Variants in REV1 observed in about 807,000 individuals in gnomAD.
REV1 encodes the protein REV1 DNA directed polymerase, also known as translesion synthesis protein REV1.
Under a neutral mutation model 137.4 loss-of-function variants are expected in REV1, and 42 were observed. That is an observed-to-expected ratio of 0.31 (90% CI 0.24 to 0.40). The LOEUF is 0.40. Among genes scored for constraint, REV1 ranks in the 10% least tolerant of loss-of-function variants. The probability of loss-of-function intolerance (pLI) is 1.00; values close to 1 mark genes in which losing one functional copy is unlikely to be tolerated. For synonymous variants in REV1, 524 were observed against 519.2 expected, an observed-to-expected ratio of 1.01 and a Z score of -0.12; for missense variants, 1,282 against 1,490.1, an observed-to-expected ratio of 0.86 and a Z score of 2.30.
chr2:99,456,598 A>G (rs190058110), intron 3 of REV1, among the ~76,000 whole-genome samples: 1 of 152,360 alleles, frequency 6.6e-6, no homozygotes, highest in East Asian at 1.9e-4. Flanking sequence ...AGGGATTACT[A>G]TACATAAAAC....
rs947603744 is a variant in REV1 at position 99,471,889 on chromosome 2, TAAAAAAAAAA to T, written c.-10-6914_-10-6905del. On this transcript the variant is annotated intron_variant, in intron 1 of 22. Coordinates refer to ENST00000258428, the MANE Select transcript of REV1 (RefSeq NM_016316.4). The stretch of plus-strand genomic sequence containing the variant: ...TCACACCCAGCAGGATAGCTACTAT[TAAAAAAAAAA>T]AAAAAAAAAAAACAAGTGTTGATAA... Among the ~76,000 whole-genome samples the T allele has an allele frequency of 1.9e-4, 18 of 93,430 alleles. 1 individual carries two copies. In the East Asian group the frequency reaches 4.6e-3, roughly 24 times the overall value. 61.3% of individuals were successfully genotyped at this position (93,430 alleles called of 152,430 possible).
intron 8 of REV1, among the ~76,000 whole-genome samples, chr2:99,433,300 A>C (rs1286196818): frequency 6.6e-6 from 1 of 152,204 alleles, no homozygotes; most frequent in Non-Finnish European, 1.5e-5. Flanking sequence ...ATGACACACA[A>C]AATTCTAGAA....
chr2:99,418,886 G>C lies in REV1; in HGVS notation c.1893C>G (p.His631Gln), dbSNP rs1312827266. The stretch of plus-strand genomic sequence containing the variant: ...AATCATCTACTTCTTCTGGTTTTAG[G>C]TGGTACTGCCCATCTGGTTTTGCTT... The part of the protein sequence containing the change: ...TRKAKPDGQY[H>Q]LKPEEVDDFI... The change falls in exon 12 of 23, where the codon CAC (histidine) becomes CAG (glutamine). Residue 631 changes from histidine (H) to glutamine (Q), a missense_variant. This residue lies in a region of REV1 where 372 missense variants were observed against 482.3 expected (regional missense o/e 0.77). Transcript: ENST00000258428. 1.2e-6 allele frequency: 2 copies of C among 1,611,806 alleles called. No homozygotes were observed. Among genetic ancestry groups the C allele is most frequent in the South Asian group, 2.2e-5 (2 of 91,028 alleles).
intron 1 of REV1, 145 bp downstream of exon 1, chr2:99,489,672 G>A (rs1203414862): frequency 6.7e-6 from 1 of 149,528 alleles, no homozygotes; most frequent in Admixed American, 6.6e-5. Context: ...GCCGCGGGCC[G>A]GGGCCGGGGC....
At chr2:99,457,223 T>C (rs1374646227) in intron 3 of REV1, among the ~76,000 whole-genome samples, 3 of 152,172 alleles carry the variant, frequency 2.0e-5, no homozygotes, top group Non-Finnish European at 4.4e-5. Flanking sequence ...GCATCCAAAA[T>C]ATATCTGTTC....
At position 99,481,692 on chromosome 2, in the gene REV1, T is replaced by TACAC. The variant is rs112823394; in HGVS notation, c.-11+8121_-11+8124dup. ...AGCCTGGGCAACATGGGGAGATCCC[T>TACAC]ACACACACACACACACAAAAATTTA... On this transcript the variant is annotated intron_variant, in intron 1 of 22. Coordinates refer to ENST00000258428, the MANE Select transcript of REV1 (RefSeq NM_016316.4). Among the ~76,000 whole-genome samples the TACAC allele has an allele frequency of 1.2e-3, 174 of 148,714 alleles. 1 individual carries two copies. The highest frequency in any genetic ancestry group is 3.0e-3 in the Admixed American group (45 of 14,948).
At chr2:99,436,419 C>T (rs1415197878) in intron 6 of REV1, among the ~76,000 whole-genome samples, 1 of 152,106 alleles carries the variant, frequency 6.6e-6, no homozygotes. Context: ...ATCTTGTAGA[C>T]TAAAAGTTTA....
chr2:99,467,317 T>C (rs1684919499), intron 1 of REV1, among the ~76,000 whole-genome samples: 1 of 151,214 alleles, frequency 6.6e-6, no homozygotes, highest in African/African-American at 2.4e-5. Context: ...GTAACAAAAC[T>C]ATTCCAGACA....
At chr2:99,465,081 T>G (rs1684647076) in intron 1 of REV1, 96 bp from the exon 2 acceptor site, 2 of 1,073,044 alleles carry the variant, frequency 1.9e-6, no homozygotes, top group Non-Finnish European at 2.7e-6. Flanking sequence ...GAAATTAAAT[T>G]CAAATGTCCA....
intron 4 of REV1, among the ~76,000 whole-genome samples, chr2:99,447,450 G>A (rs889480149): frequency 1.1e-4 from 17 of 151,972 alleles, no homozygotes; most frequent in Non-Finnish European, 1.5e-5. Flanking sequence ...GATTACAGGC[G>A]TGAGCCACCG....
chr2:99,408,240 C>T, intron 14 of REV1, 109 bp from the exon 15 acceptor site: 1 of 539,412 alleles, frequency 1.9e-6, no homozygotes. Flanking sequence ...TAAACAGTTA[C>T]AAAGAAGATT....
At chr2:99,464,662 G>A (rs767287347) in intron 2 of REV1, among the ~76,000 whole-genome samples, 4 of 152,046 alleles carry the variant, frequency 2.6e-5, no homozygotes, top group African/African-American at 7.2e-5. Flanking sequence ...TGTATTATTA[G>A]CAATGCTGCA....
chr2:99,401,388 TAGGAA>T, intron 22 of REV1, 36 bp from the exon 23 acceptor site: 1 of 1,400,590 alleles, frequency 7.1e-7, no homozygotes, highest in Non-Finnish European at 1.0e-6. Context: ...CATTAGGAAT[TAGGAA>T]AGGTCCTTAA....
chr2:99,403,592 G>A lies in REV1; in HGVS notation c.3166+103C>T. 4 of 1,431,800 alleles carry A rather than the reference G, an allele frequency of 2.8e-6. No individual in the cohort carries two copies. In the South Asian group the frequency reaches 3.5e-5, roughly 13 times the overall value. 88.7% of individuals were successfully genotyped at this position (1,431,800 alleles called of 1,614,324 possible). On this transcript the variant is annotated intron_variant, in intron 19 of 22. Transcript: ENST00000258428. ...TATCCCAATATGAAGAGCTCTTAAT[G>A]CAACAGCTTAGACTTTGCCCATTAT... is the stretch of plus-strand genomic sequence containing the variant.
chr2:99,460,527 A>T (rs1684063799), intron 3 of REV1, among the ~76,000 whole-genome samples: 1 of 152,224 alleles, frequency 6.6e-6, no homozygotes, highest in Admixed American at 6.5e-5. Context: ...TGTGAAATAA[A>T]GCTTATTTTT....
chr2:99,479,180 T>C (rs1686308669), intron 1 of REV1, among the ~76,000 whole-genome samples: 1 of 151,716 alleles, frequency 6.6e-6, no homozygotes, highest in African/African-American at 2.4e-5. Context: ...ATAAAAAAAT[T>C]AGCCAGGTGT....
Position 99,402,390 on chromosome 2 carries a change from A to G in REV1, c.3542-44T>C, listed in dbSNP as rs759381366. 3.0e-6 allele frequency: 3 copies of G among 1,006,248 alleles called. No homozygotes were observed. In the South Asian group the frequency reaches 4.3e-5, roughly 14 times the overall value. 62.3% of individuals were successfully genotyped at this position (1,006,248 alleles called of 1,614,324 possible). A position where few individuals can be genotyped will look rare whatever the true frequency, so the allele number is the denominator to read the frequency against. ...TTCAAATGAGGACCAGTCTTTTTGA[A>G]GGAGAAAGTCAGAGATCTGCATGGA... On this transcript the variant is annotated intron_variant, in intron 21 of 22. Transcript: ENST00000258428.
At chr2:99,451,861 A>G (rs1180789941) in intron 3 of REV1, among the ~76,000 whole-genome samples, 1 of 152,110 alleles carries the variant, frequency 6.6e-6, no homozygotes, top group Non-Finnish European at 1.5e-5. Flanking sequence ...ATAGTGCACT[A>G]TGGACAGCAG....
chr2:99,468,793 C>CAGTT (rs1685092687), intron 1 of REV1, among the ~76,000 whole-genome samples: 1 of 152,290 alleles, frequency 6.6e-6, no homozygotes, highest in East Asian at 1.9e-4. Context: ...TTACCCTTAA[C>CAGTT]ATTTAGGGTA....
Sources: gnomAD v4.1 joint callset for allele counts (sites outside exome capture counted in the v4.1 genomes callset) on GRCh38, gnomAD v4.1.1 for gene constraint, gnomAD v4.1.1 regional missense constraint, MANE v1.5 for transcripts, NCBI Gene and HGNC (gene_info 2026-07-23, HGNC 2026-07-21) for gene names.